Variants in SPACA6 observed in about 807,000 individuals in gnomAD.
SPACA6 encodes the protein sperm acrosome membrane-associated protein 6.
For synonymous variants in SPACA6, 6 were observed against 1.5 expected, an observed-to-expected ratio of 4.05 and a Z score of -2.21; for missense variants, 8 against 2.8, an observed-to-expected ratio of 2.88 and a Z score of -1.34.
upstream of SPACA6, among the ~76,000 whole-genome samples, chr19:51,691,495 A>C (rs975866656): frequency 1.3e-5 from 2 of 151,490 alleles, no homozygotes; most frequent in East Asian, 3.9e-4. Context: ...GATGAAAGAC[A>C]GAAGGTAGAG....
chr19:51,704,211 G>T, intron 7 of SPACA6, 25 bp downstream of exon 7: 4 of 400,886 alleles, frequency 1.0e-5, no homozygotes. Flanking sequence ...GGCCGCGTGA[G>T]TGAGCGGGGT....
the SPACA6 span, among the ~76,000 whole-genome samples, chr19:51,683,316 G>C: frequency 2.0e-5 from 3 of 152,042 alleles, no homozygotes; most frequent in African/African-American, 7.2e-5. Context: ...TTGGATTTAG[G>C]GCCCACTCTA....
chr19:51,693,559 G>A lies in SPACA6; in HGVS notation c.33G>A (p.Pro11=), dbSNP rs11881781. Residue 11 remains proline, a synonymous_variant, in exon 1 of 9, where the codon CCG becomes CCA. Transcript: ENST00000637797. MALLALASAV[P]SALLALAVFR... is the part of the protein sequence containing the mutation. The stretch of plus-strand genomic sequence containing the variant: ...TGCTGGCTCTGGCCAGTGCCGTCCC[G>A]TCTGCCCTGCTGGCCCTGGCTGTCT... 636 of 453,780 alleles carry A rather than the reference G, an allele frequency of 1.4e-3. 1 individual carries two copies. The highest frequency in any genetic ancestry group is 2.1e-3 in the Admixed American group (63 of 29,648). 28.1% of individuals were successfully genotyped at this position (453,780 alleles called of 1,614,324 possible).
upstream of SPACA6, among the ~76,000 whole-genome samples, chr19:51,690,912 G>T (rs2083364992): frequency 6.6e-6 from 1 of 151,762 alleles, no homozygotes; most frequent in Non-Finnish European, 1.5e-5. Context: ...GGTGTGGGGG[G>T]GTGGGGGCGG....
chr19:51,705,634 C>A (rs967400899), downstream of SPACA6, among the ~76,000 whole-genome samples: 1 of 152,072 alleles, frequency 6.6e-6, no homozygotes, highest in Non-Finnish European at 1.5e-5. Flanking sequence ...AGCAGCCCCC[C>A]ACCACCTCCT....
At chr19:51,685,118 C>G (rs942660403), upstream of SPACA6, among the ~76,000 whole-genome samples, 1 of 152,212 alleles carries the variant, frequency 6.6e-6, no homozygotes, top group Non-Finnish European at 1.5e-5. Flanking sequence ...AGGTGTCCTC[C>G]TGTCTACCAG....
intron 2 of SPACA6, among the ~76,000 whole-genome samples, chr19:51,710,773 A>G (rs2083537912): frequency 1.3e-5 from 2 of 152,190 alleles, no homozygotes; most frequent in South Asian, 4.1e-4. Flanking sequence ...AAAGCAAGGT[A>G]GCTGTGGCTT....
chr19:51,701,351 C>G (rs76984639), intron 2 of SPACA6, among the ~76,000 whole-genome samples: 317 of 152,218 alleles, frequency 2.1e-3, no homozygotes, highest in African/African-American at 7.1e-3. Flanking sequence ...CCCTTCTCCC[C>G]CCAACAAGCT....
At chr19:51,700,118 G>A (rs567554245) in intron 2 of SPACA6, among the ~76,000 whole-genome samples, 8 of 152,294 alleles carry the variant, frequency 5.3e-5, no homozygotes, top group African/African-American at 1.9e-4. Context: ...GCCGAGCATG[G>A]TGGTGGGTGC....
chr19:51,712,369 T>C (rs1035887051), exon 3 of SPACA6: 1 of 152,154 alleles, frequency 6.6e-6, no homozygotes, highest in Non-Finnish European at 1.5e-5. Context: ...GAGACAAATA[T>C]GGACAACTCT....
chr19:51,700,328 G>A (rs1201714479), intron 2 of SPACA6, among the ~76,000 whole-genome samples: 1 of 152,032 alleles, frequency 6.6e-6, no homozygotes, highest in Non-Finnish European at 1.5e-5. Flanking sequence ...GTGAATAGAG[G>A]CTGGGGACTA....
downstream of SPACA6, among the ~76,000 whole-genome samples, chr19:51,707,686 A>G (rs1002295604): frequency 3.9e-5 from 6 of 152,194 alleles, no homozygotes; most frequent in African/African-American, 1.4e-4. Flanking sequence ...CGCACTACAC[A>G]GGTTTTAAGA....
upstream of SPACA6, among the ~76,000 whole-genome samples, chr19:51,690,233 C>T (rs950086114): frequency 6.6e-5 from 10 of 151,134 alleles, no homozygotes; most frequent in African/African-American, 2.2e-4. Flanking sequence ...CCCCTTTTTT[C>T]CAGGATCCAG....
In SPACA6 at chr19:51,693,710, G is replaced by A. The variant is rs535036730; in HGVS notation, c.184G>A (p.Ala62Thr). The change falls in exon 1 of 9, where the codon GCC becomes ACC. Residue 62 changes from alanine to threonine, a missense_variant. Transcript: ENST00000637797. ...LEECEEAFTA[A>T]FQGLSDTEIN... ...AGAGTGTGAGGAGGCCTTCACGGCC[G>A]CCTTCCAGGGCCTCTCTGACACCGA... 9.8e-6 allele frequency: 4 copies of A among 406,392 alleles called. No homozygotes were observed. The highest frequency in any genetic ancestry group is 1.2e-4 in the South Asian group (1 of 8,422). The allele number at this position is 406,392 out of a possible 1,614,324, so 25.2% of individuals were successfully genotyped here. A position where few individuals can be genotyped will look rare whatever the true frequency, so the allele number is the denominator to read the frequency against.
chr19:51,701,460 G>A (rs548850808), intron 2 of SPACA6, among the ~76,000 whole-genome samples, 198 bp from the exon 3 acceptor site: 11 of 152,226 alleles, frequency 7.2e-5, no homozygotes, highest in Admixed American at 4.6e-4. Flanking sequence ...TACAGAGGGC[G>A]GGTGATGAGA....
chr19:51,707,975 G>A (rs1270614162), downstream of SPACA6, among the ~76,000 whole-genome samples: 1 of 152,202 alleles, frequency 6.6e-6, no homozygotes. Flanking sequence ...GCACTCACCA[G>A]CCTGGAAGCT....
intron 3 of SPACA6, 130 bp downstream of exon 3, chr19:51,701,856 T>C: frequency 2.6e-6 from 1 of 380,048 alleles, no homozygotes; most frequent in Admixed American, 4.5e-5. Context: ...GCAGATCACT[T>C]GAGATCAGGA....
chr19:51,704,173 CTTCT>C lies in SPACA6; in HGVS notation c.723_726del (p.Phe241LeufsTer3), dbSNP rs2083494541. The C allele has an allele frequency of 7.5e-6, 3 of 401,110 alleles. No individual in the cohort carries two copies. Among genetic ancestry groups the C allele is most frequent in the South Asian group, 1.3e-4 (1 of 7,960 alleles). 24.8% of individuals were successfully genotyped at this position (401,110 alleles called of 1,614,324 possible). A position where few individuals can be genotyped will look rare whatever the true frequency, so the allele number is the denominator to read the frequency against. The stretch of plus-strand genomic sequence containing the variant: ...ACCAGCGCCCCCTGGCCCGGCTCTA[CTTCT>C]TTCTTAACGGTGGGGCGGGGCGCGG... On this transcript the variant is annotated frameshift_variant, in exon 7 of 9. Coordinates refer to ENST00000637797, the MANE Select transcript of SPACA6 (RefSeq NM_001316972.2). LOFTEE classifies it high-confidence loss of function.
upstream of SPACA6, among the ~76,000 whole-genome samples, chr19:51,690,517 A>AG (rs2083360946): frequency 1.3e-5 from 2 of 151,974 alleles, no homozygotes; most frequent in East Asian, 1.9e-4. Flanking sequence ...CCAGGGGTTA[A>AG]GGGGGCGGGA....
Sources: gnomAD v4.1 joint callset for allele counts (sites outside exome capture counted in the v4.1 genomes callset) on GRCh38, gnomAD v4.1.1 for gene constraint, MANE v1.5 for transcripts, NCBI Gene and HGNC (gene_info 2026-07-23, HGNC 2026-07-21) for gene names.